Variants in SOAT1 observed in about 807,000 individuals in gnomAD.
The protein encoded by SOAT1 is sterol O-acyltransferase 1.
A neutral mutation model predicts 69.5 loss-of-function variants in SOAT1; 55 were observed. The observed-to-expected ratio is 0.79, with a 90% CI of 0.64 to 0.99. The LOEUF (loss-of-function observed/expected upper bound fraction) is 0.99. Among genes scored for constraint, SOAT1 ranks in the 50% least tolerant of loss-of-function variants. The probability of loss-of-function intolerance (pLI) is 0.00; values close to 1 mark genes in which losing one functional copy is unlikely to be tolerated. For synonymous variants in SOAT1, 231 were observed against 224.7 expected (o/e 1.03, Z -0.25); for missense variants, 580 against 669.3 (o/e 0.87, Z 1.47).
At chr1:179,350,680 G>T (rs1666694519) in intron 14 of SOAT1, among the ~76,000 whole-genome samples, 2 of 152,242 alleles carry the variant, frequency 1.3e-5, no homozygotes, top group Middle Eastern at 6.8e-3. Flanking sequence ...ACACTGATTT[G>T]ATAGGTCATA....
At chr1:179,314,094 C>G (rs1023827260) in intron 2 of SOAT1, among the ~76,000 whole-genome samples, 3 of 152,188 alleles carry the variant, frequency 2.0e-5, no homozygotes, top group African/African-American at 7.2e-5. Context: ...AATAATGTTT[C>G]TAGCATTTGT....
At chr1:179,326,560 T>C (rs1558047818) in intron 3 of SOAT1, among the ~76,000 whole-genome samples, 1 of 36,540 alleles carries the variant, frequency 2.7e-5, no homozygotes, top group Non-Finnish European at 6.8e-5. Context: ...CTTTTTTTTT[T>C]TTTTTTTTTT....
Position 179,299,071 on chromosome 1 carries a change from T to C in SOAT1, c.-8-3606T>C, listed in dbSNP as rs537492786. ...AGCCTAATGTAAGAGACAGAGAGTA[T>C]TGCTCTCTGATTATAGGACAATGTA... is the stretch of plus-strand genomic sequence containing the variant. On this transcript the variant is annotated intron_variant, in intron 1 of 15. Transcript: ENST00000367619. 5.3e-4 allele frequency among the ~76,000 whole-genome samples: 80 copies of C among 152,230 alleles called. 1 individual carries two copies. The South Asian group carries it at 0.016, about 30-fold the overall frequency.
At chr1:179,327,581 A>G (rs752893059) in intron 3 of SOAT1, among the ~76,000 whole-genome samples, 5 of 152,252 alleles carry the variant, frequency 3.3e-5, no homozygotes, top group Non-Finnish European at 7.3e-5. Flanking sequence ...CTGATAAACA[A>G]TGAATACTTT....
At chr1:179,296,244 C>T (rs1028721446) in intron 1 of SOAT1, among the ~76,000 whole-genome samples, 1 of 152,122 alleles carries the variant, frequency 6.6e-6, no homozygotes, top group African/African-American at 2.4e-5. Context: ...GGTGGGATTA[C>T]AGGCGTGAGC....
intron 3 of SOAT1, among the ~76,000 whole-genome samples, chr1:179,326,625 T>C (rs34164740): frequency 0.19 from 27,534 of 147,956 alleles, 2,781 homozygotes; most frequent in Non-Finnish European, 0.23. Context: ...TAGCACGATC[T>C]CTGATCACTG....
intron 5 of SOAT1, 39 bp from the exon 6 acceptor site, chr1:179,339,399 A>G: frequency 2.9e-6 from 4 of 1,356,032 alleles, no homozygotes; most frequent in Non-Finnish European, 3.1e-6. Context: ...AAATTTAAAT[A>G]TACATTATTA....
At chr1:179,311,225 G>T (rs1470331315) in intron 2 of SOAT1, among the ~76,000 whole-genome samples, 2 of 152,050 alleles carry the variant, frequency 1.3e-5, no homozygotes, top group Non-Finnish European at 2.9e-5. Flanking sequence ...AGTTAGGTGG[G>T]CATGGTAACA....
At chr1:179,350,817 A>C (rs1666698754) in intron 14 of SOAT1, among the ~76,000 whole-genome samples, 1 of 152,158 alleles carries the variant, frequency 6.6e-6, no homozygotes. Context: ...ATTCCATGAA[A>C]TATATATACA....
chr1:179,331,720 G>C (rs1665981143), intron 3 of SOAT1, among the ~76,000 whole-genome samples: 1 of 152,200 alleles, frequency 6.6e-6, no homozygotes, highest in African/African-American at 2.4e-5. Context: ...ATGAGATTCA[G>C]TAAGAGAGAA....
rs1183540393 is a variant in SOAT1, at chr1:179,347,817, T to G, written c.1215+120T>G. ...ACACAAACATTGTGAAATAATTTTC[T>G]TTTCTACAAGTTTTGCCAGTATTTT... On this transcript the variant is annotated intron_variant, in intron 12 of 15. Transcript: ENST00000367619. The G allele has an allele frequency of 9.6e-6, 6 of 624,400 alleles. No individual in the cohort carries two copies. The Admixed American group carries it at 1.0e-4, about 11-fold the overall frequency. 38.7% of individuals were successfully genotyped at this position (624,400 alleles called of 1,614,324 possible). A position where few individuals can be genotyped will look rare whatever the true frequency, so the allele number is the denominator to read the frequency against.
rs1666824902 is a variant in SOAT1, at chr1:179,353,709, T to C, written c.*68T>C. ...GCTCCCTGATTTGGAGCCAGCTGTT[T>C]CCAGTTGTTACTGAAGTTATCTGTG... is the stretch of plus-strand genomic sequence containing the variant. On this transcript the variant is annotated 3_prime_UTR_variant, in exon 16 of 16. Coordinates refer to ENST00000367619, the MANE Select transcript of SOAT1 (RefSeq NM_003101.6). The C allele has an allele frequency of 1.5e-6, 2 of 1,316,118 alleles. No homozygotes were observed. Among genetic ancestry groups the C allele is most frequent in the South Asian group, 1.2e-5 (1 of 84,292 alleles). 81.5% of individuals were successfully genotyped at this position (1,316,118 alleles called of 1,614,324 possible). A position where few individuals can be genotyped will look rare whatever the true frequency, so the allele number is the denominator to read the frequency against.
chr1:179,349,855 T>A (rs1297718654), intron 13 of SOAT1, among the ~76,000 whole-genome samples: 2 of 152,216 alleles, frequency 1.3e-5, no homozygotes, highest in African/African-American at 2.4e-5. Context: ...GTATTAATAT[T>A]TGAGTGCTAA....
chr1:179,335,211 G>T (rs910528154), intron 3 of SOAT1, among the ~76,000 whole-genome samples: 11 of 151,952 alleles, frequency 7.2e-5, no homozygotes, highest in African/African-American at 2.2e-4. Flanking sequence ...TAAAATATTT[G>T]CCGGCAGTGG....
chr1:179,349,121 T>A (rs1666635030), intron 13 of SOAT1, among the ~76,000 whole-genome samples, 179 bp downstream of exon 13: 1 of 152,164 alleles, frequency 6.6e-6, no homozygotes, highest in Non-Finnish European at 1.5e-5. Flanking sequence ...ATGGTACTGC[T>A]TAGAAACCAC....
Position 179,341,140 on chromosome 1 carries a change from C to G in SOAT1, c.610C>G (p.Gln204Glu), listed in dbSNP as rs73048613. 3,635 of 1,614,032 alleles carry G rather than the reference C, an allele frequency of 2.3e-3. 97 individuals carry two copies. The African/African-American group carries it at 0.044, about 20-fold the overall frequency. The change falls in exon 7 of 16, where the codon CAA becomes GAA. Residue 204 changes from glutamine to glutamate, a missense_variant. Transcript: ENST00000367619. ...STFSVPYFLFQHWATGYSKSS... is the reference protein window; with the variant it reads ...STFSVPYFLFEHWATGYSKSS... ...ATTTTCAGTTCCCTATTTTCTGTTT[C>G]AACATTGGGCCACTGGCTATAGCAA... is the stretch of plus-strand genomic sequence containing the variant.
At chr1:179,351,209 A>G in intron 14 of SOAT1, 108 bp from the exon 15 acceptor site, 2 of 904,962 alleles carry the variant, frequency 2.2e-6, no homozygotes, top group Non-Finnish European at 1.7e-6. Context: ...ACGCCTGGCT[A>G]ATTTTTGTAT....
intron 1 of SOAT1, among the ~76,000 whole-genome samples, chr1:179,302,243 A>G (rs1571402304): frequency 1.3e-5 from 2 of 152,298 alleles, no homozygotes; most frequent in East Asian, 3.9e-4. Context: ...CCTCTCCTAA[A>G]TATAGTGGTA....
In SOAT1 at chr1:179,305,500, G is replaced by A. The variant is rs548530655; in HGVS notation, c.118+2698G>A. Among the ~76,000 whole-genome samples the A allele has an allele frequency of 3.0e-4, 45 of 152,044 alleles. 2 individuals are homozygous for A. The South Asian group carries it at 9.0e-3, about 30-fold the overall frequency. ...TGTCAGTTGATATTTATTTTGGGGG[G>A]GTTATTTACAATGATTGGCTATTAT... On this transcript the variant is annotated intron_variant, in intron 2 of 15. Coordinates refer to ENST00000367619, the MANE Select transcript of SOAT1 (RefSeq NM_003101.6).
Sources: allele counts gnomAD v4.1 joint callset (sites outside exome capture counted in the v4.1 genomes callset), GRCh38; gene constraint gnomAD v4.1.1; transcripts MANE v1.5; gene names NCBI Gene and HGNC (gene_info 2026-07-23, HGNC 2026-07-21).